The following TIAM2 variants were observed in gnomAD, a reference collection of about 807,000 sequenced individuals.
TIAM2 encodes the protein rho guanine nucleotide exchange factor TIAM2.
A neutral mutation model predicts 152.9 loss-of-function variants in TIAM2; 80 were observed. The ratio of observed to expected loss-of-function variants is 0.52; its 90% CI spans 0.44 to 0.63. TIAM2 has a LOEUF of 0.63. Ranked by LOEUF, TIAM2 falls within the 30% of genes least tolerant of loss-of-function variation. The pLI is 0.00. For synonymous variants in TIAM2, 804 were observed against 838.0 expected (o/e 0.96, Z 0.70); for missense variants, 1,965 against 2,120.1 (o/e 0.93, Z 1.44).
intron 1 of TIAM2, among the ~76,000 whole-genome samples, chr6:155,031,227 T>C (rs1277988949): frequency 6.6e-6 from 1 of 152,220 alleles, no homozygotes; most frequent in Non-Finnish European, 1.5e-5. Context: ...ATTTCTTTGT[T>C]TTTAAAAGAC....
chr6:155,100,393 ACT>A (rs1562315802), intron 2 of TIAM2, among the ~76,000 whole-genome samples: 1 of 151,846 alleles, frequency 6.6e-6, no homozygotes, highest in Non-Finnish European at 1.5e-5. Context: ...TTAAGCAGAA[ACT>A]CTGTGAAAAT....
intron 1 of TIAM2, among the ~76,000 whole-genome samples, chr6:155,032,594 G>A (rs1282430931): frequency 6.6e-6 from 1 of 152,138 alleles, no homozygotes; most frequent in Non-Finnish European, 1.5e-5. Context: ...AGGCTGGAGT[G>A]CAGTGGCGTG....
rs10626644 is a variant in TIAM2 at position 155,198,666 on chromosome 6, CAAAAAAAAAAAA to C, written c.3065-12525_3065-12514del. On this transcript the variant is annotated intron_variant, in intron 14 of 26. Transcript: ENST00000682666. ...AACAAGAGCAAACAAGAGCAAATCT[CAAAAAAAAAAAA>C]AAAAAAAAAAAATCTCTTAATGAAA... is the stretch of plus-strand genomic sequence containing the variant. 3.6e-4 allele frequency among the ~76,000 whole-genome samples: 25 copies of C among 70,360 alleles called. No homozygotes were observed. In the Admixed American group the frequency reaches 3.9e-3, roughly 11 times the overall value. 46.2% of individuals were successfully genotyped at this position (70,360 alleles called of 152,430 possible). A position where few individuals can be genotyped will look rare whatever the true frequency, so the allele number is the denominator to read the frequency against.
At chr6:155,166,211 A>T (rs1391999814) in intron 9 of TIAM2, among the ~76,000 whole-genome samples, 1 of 152,212 alleles carries the variant, frequency 6.6e-6, no homozygotes, top group East Asian at 1.9e-4. Flanking sequence ...GGGCAGGGCC[A>T]GGACTAGTTT....
At position 155,156,616 on chromosome 6, in the gene TIAM2, C is replaced by T. The variant is rs1780122451; in HGVS notation, c.2029-7799C>T. On this transcript the variant is annotated intron_variant, in intron 7 of 26. Coordinates refer to ENST00000682666, the MANE Select transcript of TIAM2 (RefSeq NM_012454.4). This position sits in a 1 kb window ranked among gnomAD's most constrained non-coding sequence, Gnocchi z 4.4. ...GAGGTTTCCATGAGCTGAGATCACA[C>T]CATTGCACTCCAGCCTGGGCAACAG... Among the ~76,000 whole-genome samples, 2 of 152,238 alleles carry T rather than the reference C, an allele frequency of 1.3e-5. No individual in the cohort carries two copies. Among genetic ancestry groups the T allele is most frequent in the South Asian group, 4.1e-4 (2 of 4,826 alleles).
At chr6:155,206,579 G>A (rs544389652) in intron 14 of TIAM2, among the ~76,000 whole-genome samples, 2 of 152,176 alleles carry the variant, frequency 1.3e-5, no homozygotes, top group Admixed American at 1.3e-4. Context: ...GCCTGGTCTC[G>A]TGATTGCTCT....
At chr6:155,115,080 G>C (rs938704957) in intron 2 of TIAM2, among the ~76,000 whole-genome samples, 1 of 150,756 alleles carries the variant, frequency 6.6e-6, no homozygotes, top group Non-Finnish European at 1.5e-5. Flanking sequence ...CACCTGCCTC[G>C]GACTCCCAAA....
chr6:155,183,438 C>A lies in TIAM2; in HGVS notation c.3002C>A (p.Pro1001His). The change falls in exon 14 of 27, where the codon CCT becomes CAT. Residue 1001 changes from proline to histidine, a missense_variant. Physicochemically the swap from Pro to His is moderately conservative, Grantham distance 77. Around this residue, in one of 3 missense-constraint regions of TIAM2, gnomAD observed 935 missense variants for 980.0 expected, o/e 0.95. Coordinates refer to ENST00000682666, the MANE Select transcript of TIAM2 (RefSeq NM_012454.4). The part of the protein sequence containing the change: ...FSRDQKSLLP[P>H]PNQSQLLEEF... ...AGGGACCAGAAGAGTCTGCTGCCCCCTCCTAACCAGTCCCAACTGCTGGAG... is the reference window on the plus strand; with the variant it reads ...AGGGACCAGAAGAGTCTGCTGCCCCATCCTAACCAGTCCCAACTGCTGGAG... The A allele has an allele frequency of 6.2e-7, 1 of 1,614,144 alleles. No individual in the cohort carries two copies. The highest frequency in any genetic ancestry group is 8.5e-7 in the Non-Finnish European group (1 of 1,180,022).
At chr6:155,020,262 C>G (rs537230812) in intron 1 of TIAM2, among the ~76,000 whole-genome samples, 3 of 152,112 alleles carry the variant, frequency 2.0e-5, no homozygotes, top group African/African-American at 7.2e-5. Context: ...ATTAGATCCA[C>G]GTCACAGAGT....
intron 1 of TIAM2, among the ~76,000 whole-genome samples, chr6:155,009,090 T>A (rs1778444514): frequency 8.9e-6 from 1 of 112,320 alleles, no homozygotes. Flanking sequence ...ACTCAGAAGA[T>A]CTTTTTTTTT....
intron 15 of TIAM2, among the ~76,000 whole-genome samples, chr6:155,237,234 C>A (rs1329263006): frequency 6.6e-6 from 1 of 152,214 alleles, no homozygotes; most frequent in East Asian, 1.9e-4. Flanking sequence ...CTTAAAGCTC[C>A]AAAATGATCT....
intron 5 of TIAM2, among the ~76,000 whole-genome samples, chr6:155,144,319 G>T (rs1779777166): frequency 6.6e-6 from 1 of 152,124 alleles, no homozygotes; most frequent in Non-Finnish European, 1.5e-5. Context: ...GCCTCTATGG[G>T]GATTAAATAA....
intron 14 of TIAM2, among the ~76,000 whole-genome samples, chr6:155,208,651 C>T (rs1781646684): frequency 6.6e-6 from 1 of 152,176 alleles, no homozygotes; most frequent in Non-Finnish European, 1.5e-5. Context: ...GACATAGAAA[C>T]CAGGCGTCTC....
At chr6:155,198,725 A>T (rs1781410637) in intron 14 of TIAM2, among the ~76,000 whole-genome samples, 1 of 151,116 alleles carries the variant, frequency 6.6e-6, no homozygotes, top group Non-Finnish European at 1.5e-5. Context: ...GTTCTTAAGA[A>T]TGAATTATGG....
At position 155,256,010 on chromosome 6, in the gene TIAM2, T is replaced by TAA. The variant is rs1554248978; in HGVS notation, c.4469-466_4469-465dup. 864 of 146,732 alleles carry TAA rather than the reference T, an allele frequency of 5.9e-3. 8 individuals are homozygous for TAA. The highest frequency in any genetic ancestry group is 0.026 in the African/African-American group (709 of 27,196). The allele number at this position is 146,732 out of a possible 1,614,324, so 9.1% of individuals were successfully genotyped here. ...GGGTGGCAGAGCAAGACACTGTCTTTAAAAAAAAAGGGGGGGGGAGGGGCA... is the reference window on the plus strand; with the variant it reads ...GGGTGGCAGAGCAAGACACTGTCTTTAAAAAAAAAAAGGGGGGGGGAGGGGCA... On this transcript the variant is annotated intron_variant, in intron 26 of 26. Coordinates refer to ENST00000682666, the MANE Select transcript of TIAM2 (RefSeq NM_012454.4).
rs1022492767 is a variant in TIAM2 at position 155,156,429 on chromosome 6, C to T, written c.2029-7986C>T. ...CAGCATTTTGGGAGGCCAAGGTGGG[C>T]GGATCACTTGAGGTCAGGAGTTCAA... On this transcript the variant is annotated intron_variant, in intron 7 of 26. Transcript: ENST00000682666. The surrounding 1 kb of genome is among the most constrained non-coding windows in gnomAD (Gnocchi z 4.4). Among the ~76,000 whole-genome samples, 2 of 152,018 alleles carry T rather than the reference C, an allele frequency of 1.3e-5. No homozygotes were observed. The highest frequency in any genetic ancestry group is 2.9e-5 in the Non-Finnish European group (2 of 68,002).
chr6:155,243,086 G>T (rs143562406), intron 16 of TIAM2, among the ~76,000 whole-genome samples: 1 of 152,112 alleles, frequency 6.6e-6, no homozygotes, highest in Non-Finnish European at 1.5e-5. Flanking sequence ...CATGGGTTTT[G>T]TAACTGCAGT....
intron 1 of TIAM2, among the ~76,000 whole-genome samples, chr6:155,002,406 G>C (rs775085253): frequency 6.6e-6 from 1 of 152,108 alleles, no homozygotes; most frequent in Non-Finnish European, 1.5e-5. Flanking sequence ...GCAAGACCTC[G>C]TCTCAAAATA....
chr6:155,092,763 G>A (rs1778333060), intron 2 of TIAM2, among the ~76,000 whole-genome samples: 1 of 152,154 alleles, frequency 6.6e-6, no homozygotes, highest in Admixed American at 6.5e-5. Context: ...GCTGAGGCAG[G>A]AGAATCACTT....
Sources: gnomAD v4.1 joint callset for allele counts (sites outside exome capture counted in the v4.1 genomes callset) on GRCh38, gnomAD v4.1.1 for gene constraint, gnomAD v4.1.1 regional missense constraint, Gnocchi (gnomAD v3.1) non-coding constraint, MANE v1.5 for transcripts, NCBI Gene and HGNC (gene_info 2026-07-23, HGNC 2026-07-21) for gene names.